The following ZSWIM5 variants were observed in gnomAD, a reference collection of about 807,000 sequenced individuals.
ZSWIM5 encodes the protein zinc finger SWIM-type containing 5.
ZSWIM5 carries 55 observed loss-of-function variants against 119.6 expected under a neutral mutation model. The observed-to-expected ratio is 0.46, with a 90% confidence interval of 0.37 to 0.58. ZSWIM5 has a LOEUF of 0.58. Among genes scored for constraint, ZSWIM5 ranks in the 20% least tolerant of loss-of-function variants. The pLI is 0.00. For missense variants in ZSWIM5, 1,193 were observed against 1,512.8 expected (o/e 0.79, Z 3.51); for synonymous variants, 537 against 606.9 (o/e 0.88, Z 1.69).
chr1:45,024,223 T>G (rs1291669899), intron 11 of ZSWIM5, among the ~76,000 whole-genome samples: 1 of 147,820 alleles, frequency 6.8e-6, no homozygotes, highest in Non-Finnish European at 1.5e-5. Context: ...GGAGTCTCGG[T>G]CTTGTCGCCC....
In ZSWIM5 at chr1:45,018,823, C is replaced by T. The variant is rs374906325; in HGVS notation, c.3189G>A (p.Leu1063=). 17 of 1,614,120 alleles carry T rather than the reference C, an allele frequency of 1.1e-5. 1 individual carries two copies. In the Middle Eastern group the frequency reaches 6.6e-4, roughly 62 times the overall value. Residue 1063 remains leucine (L), a synonymous_variant, in exon 14 of 14, where the codon CTG becomes CTA. Coordinates refer to ENST00000359600, the MANE Select transcript of ZSWIM5 (RefSeq NM_020883.2). This position sits in a 1 kb window ranked among gnomAD's most constrained non-coding sequence, Gnocchi z 6.7. ...GKNELAALIP[L]VVKSVHCATV... is the part of the protein sequence containing the mutation. ...TGGCACAGTGCACACTCTTCACCAC[C>T]AGGGGGATGAGAGCTGCCAGCTCAT... is the stretch of plus-strand genomic sequence containing the variant.
intron 1 of ZSWIM5, among the ~76,000 whole-genome samples, chr1:45,162,485 T>C (rs1296029550): frequency 6.6e-6 from 1 of 152,170 alleles, no homozygotes; most frequent in Non-Finnish European, 1.5e-5. Context: ...AGACAGTGGG[T>C]GCAGCCCATG....
intron 1 of ZSWIM5, among the ~76,000 whole-genome samples, chr1:45,145,747 A>G (rs942829771): frequency 7.2e-5 from 11 of 152,186 alleles, no homozygotes; most frequent in African/African-American, 2.7e-4. Context: ...AAGTTTATAC[A>G]TCTGTTAAAA....
chr1:45,156,205 C>T (rs1645825771), intron 1 of ZSWIM5, among the ~76,000 whole-genome samples: 1 of 152,074 alleles, frequency 6.6e-6, no homozygotes, highest in East Asian at 1.9e-4. Flanking sequence ...CCAAACACCA[C>T]ATGTTCTCAC....
At chr1:45,096,227 T>C (rs1380475539) in intron 1 of ZSWIM5, among the ~76,000 whole-genome samples, 1 of 152,042 alleles carries the variant, frequency 6.6e-6, no homozygotes, top group Non-Finnish European at 1.5e-5. Flanking sequence ...TAGGCAGGTA[T>C]AAAGAGAAGC....
intron 1 of ZSWIM5, among the ~76,000 whole-genome samples, chr1:45,148,678 G>A (rs528248167): frequency 5.3e-5 from 8 of 152,264 alleles, no homozygotes; most frequent in Middle Eastern, 3.4e-3. Flanking sequence ...GATGTATTCA[G>A]GCTTTTGTGA....
rs919602565 is a variant in ZSWIM5 at position 45,100,949 on chromosome 1, A to C, written c.596-12712T>G. 1.1e-4 allele frequency among the ~76,000 whole-genome samples: 16 copies of C among 152,208 alleles called. 1 individual carries two copies. The highest frequency in any genetic ancestry group is 9.2e-4 in the Admixed American group (14 of 15,286). On this transcript the variant is annotated intron_variant, in intron 1 of 13. Transcript: ENST00000359600. ...TTAGACCTAAAACCATAAAAACCACAGAAGAAAACCTAGGCAATACCATTC... is the reference window on the plus strand; with the variant it reads ...TTAGACCTAAAACCATAAAAACCACCGAAGAAAACCTAGGCAATACCATTC...
At chr1:45,034,600 T>A in intron 10 of ZSWIM5, 131 bp from the exon 11 acceptor site, 2 of 1,106,850 alleles carry the variant, frequency 1.8e-6, no homozygotes, top group Non-Finnish European at 2.5e-6. Flanking sequence ...TGAAGGTTTT[T>A]AAACCTATGG....
intron 1 of ZSWIM5, among the ~76,000 whole-genome samples, chr1:45,136,291 T>G (rs949433921): frequency 6.6e-6 from 1 of 152,214 alleles, no homozygotes; most frequent in Non-Finnish European, 1.5e-5. Flanking sequence ...ATAATTTATT[T>G]CATATATTAA....
chr1:45,022,679 C>T (rs1014956044), intron 11 of ZSWIM5, among the ~76,000 whole-genome samples: 1 of 152,206 alleles, frequency 6.6e-6, no homozygotes, highest in Admixed American at 6.5e-5. Context: ...CATATATCCC[C>T]TATTATTAAC....
At chr1:45,128,485 C>CTGTAAAAA (rs1463929310) in intron 1 of ZSWIM5, among the ~76,000 whole-genome samples, 1 of 152,166 alleles carries the variant, frequency 6.6e-6, no homozygotes, top group Non-Finnish European at 1.5e-5. Flanking sequence ...AGGTGTATGC[C>CTGTAAAAA]ACCGCCCCTG....
At chr1:45,199,224 A>G (rs950528563) in intron 1 of ZSWIM5, among the ~76,000 whole-genome samples, 2 of 152,056 alleles carry the variant, frequency 1.3e-5, no homozygotes, top group African/African-American at 4.8e-5. Flanking sequence ...TATACAAAGT[A>G]TGCAAACAAC....
intron 1 of ZSWIM5, among the ~76,000 whole-genome samples, chr1:45,118,033 G>C (rs560371972): frequency 4.6e-5 from 7 of 151,914 alleles, no homozygotes; most frequent in Non-Finnish European, 8.8e-5. Context: ...TTGCAGGCAG[G>C]CAGAGCTTGC....
At chr1:45,182,410 ACAAAC>A (rs1219487851) in intron 1 of ZSWIM5, among the ~76,000 whole-genome samples, 4 of 142,622 alleles carry the variant, frequency 2.8e-5, no homozygotes, top group African/African-American at 8.4e-5. Context: ...TCTCAAAAAA[ACAAAC>A]AAACAAACAA....
intron 2 of ZSWIM5, among the ~76,000 whole-genome samples, chr1:45,067,314 C>G (rs1157812781): frequency 6.6e-6 from 1 of 151,966 alleles, no homozygotes; most frequent in Non-Finnish European, 1.5e-5. Flanking sequence ...TGACATGAGC[C>G]TGTAGTCCCA....
Position 45,034,302 on chromosome 1 carries a change from C to G in ZSWIM5, c.2449+10G>C, listed in dbSNP as rs769050113. On this transcript the variant is annotated intron_variant, in intron 11 of 13. Coordinates refer to ENST00000359600, the MANE Select transcript of ZSWIM5 (RefSeq NM_020883.2). The stretch of plus-strand genomic sequence containing the variant: ...GGTGATGCTGGAGCTTAAGGTCTAT[C>G]TATGCTCACCTTTGGCAGCAGTCAG... 1.9e-6 allele frequency: 3 copies of G among 1,591,918 alleles called. No individual in the cohort carries two copies. In the Admixed American group the frequency reaches 5.2e-5, roughly 28 times the overall value.
intron 1 of ZSWIM5, among the ~76,000 whole-genome samples, chr1:45,153,113 A>T (rs1341708655): frequency 1.3e-5 from 2 of 151,654 alleles, no homozygotes; most frequent in Non-Finnish European, 2.9e-5. Flanking sequence ...AAAAAAAAGA[A>T]AAAAGAAAAA....
rs534597963 is a variant in ZSWIM5 at position 45,043,278 on chromosome 1, G to A, written c.1550C>T (p.Ala517Val). The A allele has an allele frequency of 1.7e-5, 28 of 1,614,172 alleles. No individual in the cohort carries two copies. The East Asian group carries it at 6.0e-4, about 35-fold the overall frequency. ...TAGTCTTTCACTTTCCCGCTGGCAG[G>A]CAGGAGCTGTATAAACATCACTGCT... ...IISSDVYTAP[A>V]CQRESERLLF... Residue 517 changes from alanine to valine, a missense_variant, in exon 6 of 14, where the codon GCC becomes GTC. Physicochemically the swap from Ala to Val is moderately conservative, Grantham distance 64 (BLOSUM62 0). Coordinates refer to ENST00000359600, the MANE Select transcript of ZSWIM5 (RefSeq NM_020883.2).
At position 45,018,899 on chromosome 1, in the gene ZSWIM5, G is replaced by A. The variant is rs1644870827; in HGVS notation, c.3113C>T (p.Ala1038Val). ...NLAYNQDTHP[A>V]INDVLWACAL... is the part of the protein sequence containing the mutation. ...ACAAGCCCAGAGCACATCATTGATG[G>A]CTGGGTGAGTATCCTGGTTGTAGGC... The change falls in exon 14 of 14, where the codon GCC (alanine) becomes GTC (valine). Residue 1038 changes from alanine (A) to valine (V), a missense_variant. Transcript: ENST00000359600. This position sits in a 1 kb window ranked among gnomAD's most constrained non-coding sequence, Gnocchi z 6.7. 1 of 1,614,238 alleles carries A rather than the reference G, an allele frequency of 6.2e-7. No homozygotes were observed. The highest frequency in any genetic ancestry group is 8.5e-7 in the Non-Finnish European group (1 of 1,180,046).
Sources: allele counts gnomAD v4.1 joint callset (sites outside exome capture counted in the v4.1 genomes callset), GRCh38; gene constraint gnomAD v4.1.1; non-coding constraint Gnocchi (gnomAD v3.1); transcripts MANE v1.5; gene names NCBI Gene and HGNC (gene_info 2026-07-23, HGNC 2026-07-21).